Variants in TSC22D3 observed in about 807,000 individuals in gnomAD.
TSC22D3 encodes the protein TSC22 domain family protein 3.
A neutral mutation model predicts 11.1 loss-of-function variants in TSC22D3; 4 were observed. That is an observed-to-expected ratio of 0.36 (90% confidence interval 0.18 to 0.83). The LOEUF is 0.83. TSC22D3 is among the 40% of genes least tolerant of loss of function. The pLI, the probability that TSC22D3 is intolerant of heterozygous loss-of-function variation, is 0.48. For missense variants in TSC22D3, 118 were observed against 159.4 expected, an observed-to-expected ratio of 0.74 and a Z score of 1.40; for synonymous variants, 77 against 70.3, an observed-to-expected ratio of 1.10 and a Z score of -0.48.
chrX:107,748,635 T>A (rs941528039), intron 1 of TSC22D3, among the ~76,000 whole-genome samples: 1 of 111,477 alleles, frequency 9.0e-6, no homozygotes, highest in African/African-American at 3.3e-5. Context: ...AACCAGCCCA[T>A]CAGCTCACAC....
chrX:107,765,784 G>A (rs993992475), intron 1 of TSC22D3, among the ~76,000 whole-genome samples: 6 of 112,233 alleles, frequency 5.3e-5, no homozygotes, highest in Non-Finnish European at 1.1e-4. Context: ...CTGGAAGCCT[G>A]GGAGGAGTCC....
chrX:107,728,062 C>T lies in TSC22D3; in HGVS notation c.321-12112G>A, dbSNP rs757140181. Among the ~76,000 whole-genome samples, 3 of 111,264 alleles carry T rather than the reference C, an allele frequency of 2.7e-5. No individual in the cohort carries two copies. In the East Asian group the frequency reaches 8.4e-4, roughly 31 times the overall value. ...TGGCTTTCTAGACTAGAATATAAACCTTGTGAGGGCAGGGGCTTATCTTAT... is the reference window on the plus strand; with the variant it reads ...TGGCTTTCTAGACTAGAATATAAACTTTGTGAGGGCAGGGGCTTATCTTAT... On this transcript the variant is annotated intron_variant, in intron 1 of 2. Transcript: ENST00000372383.
At chrX:107,769,895 A>G (rs1929829608) in intron 1 of TSC22D3, among the ~76,000 whole-genome samples, 1 of 112,015 alleles carries the variant, frequency 8.9e-6, no homozygotes, top group Non-Finnish European at 1.9e-5. Flanking sequence ...TATCCAAACC[A>G]TGAATGTTAA....
chrX:107,744,938 A>G (rs781776354), intron 1 of TSC22D3, among the ~76,000 whole-genome samples: 2 of 111,907 alleles, frequency 1.8e-5, no homozygotes, highest in Non-Finnish European at 3.8e-5. Flanking sequence ...TTGTGTGGGC[A>G]AGAAGATGGT....
chrX:107,718,192 T>A (rs1356610855), intron 1 of TSC22D3, among the ~76,000 whole-genome samples: 3 of 111,983 alleles, frequency 2.7e-5, no homozygotes, highest in African/African-American at 9.8e-5. Flanking sequence ...GGAAAAAAAA[T>A]AAAGGCACCA....
At chrX:107,731,142 GAAA>G (rs1927861254) in intron 1 of TSC22D3, among the ~76,000 whole-genome samples, 1 of 112,421 alleles carries the variant, frequency 8.9e-6, no homozygotes. Context: ...GGATGGTAGG[GAAA>G]GAACAAGCTG....
Position 107,734,878 on chromosome X carries a change from T to TAAAAAAAAAAAAAAAAAAAA in TSC22D3, c.321-18948_321-18929dup, listed in dbSNP as rs781386272. ...TTTATCTATTGTTCACAACTCTACG[T>TAAAAAAAAAAAAAAAAAAAA]AAAAAAAAAAAAAAAAAAAAAAAAA... On this transcript the variant is annotated intron_variant, in intron 1 of 2. Coordinates refer to ENST00000372383, the MANE Select transcript of TSC22D3 (RefSeq NM_198057.3). 1.9e-4 allele frequency among the ~76,000 whole-genome samples: 7 copies of TAAAAAAAAAAAAAAAAAAAA among 37,282 alleles called. 1 individual carries two copies. The highest frequency in any genetic ancestry group is 9.8e-4 in the African/African-American group (7 of 7,130). 32.4% of individuals were successfully genotyped at this position (37,282 alleles called of 115,157 possible). A position where few individuals can be genotyped will look rare whatever the true frequency, so the allele number is the denominator to read the frequency against.
chrX:107,775,279 G>A lies in TSC22D3; in HGVS notation c.141C>T (p.Asn47=). 2 of 1,212,185 alleles carry A rather than the reference G, an allele frequency of 1.6e-6. No homozygotes were observed. Among genetic ancestry groups the A allele is most frequent in the South Asian group, 3.5e-5 (2 of 57,016 alleles). The change falls in exon 1 of 3, where the codon AAC becomes AAT. Residue 47 remains asparagine (N), a synonymous_variant. Coordinates refer to ENST00000372383, the MANE Select transcript of TSC22D3 (RefSeq NM_198057.3). ...CCAGCTTTTCCTGCAGCTGCCGAAA[G>A]TTGCTCACTGTAGGGCTGCCCGGGT... ...NNNPGSPTVS[N]FRQLQEKLVF... is the part of the protein sequence containing the mutation.
chrX:107,741,277 T>G (rs906323684), intron 1 of TSC22D3, among the ~76,000 whole-genome samples: 1 of 111,996 alleles, frequency 8.9e-6, no homozygotes, highest in East Asian at 2.8e-4. Context: ...CTGAAATGAG[T>G]GAGGACTGGG....
intron 1 of TSC22D3, among the ~76,000 whole-genome samples, chrX:107,726,175 C>T (rs942980217): frequency 2.7e-5 from 3 of 112,346 alleles, no homozygotes; most frequent in African/African-American, 9.7e-5. Flanking sequence ...GGCCATCTCC[C>T]CTGCTCGCTG....
intron 1 of TSC22D3, among the ~76,000 whole-genome samples, chrX:107,725,092 G>T (rs1396763180): frequency 8.9e-6 from 1 of 112,196 alleles, no homozygotes. Flanking sequence ...TGAGAATCAT[G>T]CCTTTGGATT....
intron 1 of TSC22D3, chrX:107,717,057 A>G (rs977961169): frequency 6.2e-6 from 6 of 967,434 alleles, no homozygotes; most frequent in Non-Finnish European, 7.8e-6. Flanking sequence ...AGTCCAACCC[A>G]GACTCGGAGA....
At position 107,749,178 on chromosome X, in the gene TSC22D3, T is replaced by TACACACAC. The variant is rs61681572; in HGVS notation, c.320+25914_320+25921dup. Among the ~76,000 whole-genome samples the TACACACAC allele has an allele frequency of 1.3e-3, 117 of 87,353 alleles. 1 individual carries two copies. Among genetic ancestry groups the TACACACAC allele is most frequent in the African/African-American group, 4.8e-3 (109 of 22,775 alleles). The allele number at this position is 87,353 out of a possible 115,157, so 75.9% of individuals were successfully genotyped here. A position where few individuals can be genotyped will look rare whatever the true frequency, so the allele number is the denominator to read the frequency against. On this transcript the variant is annotated intron_variant, in intron 1 of 2. Coordinates refer to ENST00000372383, the MANE Select transcript of TSC22D3 (RefSeq NM_198057.3). ...GGTGAAACCCTGTCTCTACTAAAAA[T>TACACACAC]ACACACACACACACACACACACACA... is the stretch of plus-strand genomic sequence containing the variant.
chrX:107,740,438 TG>T (rs1286707529), intron 1 of TSC22D3, among the ~76,000 whole-genome samples: 1 of 111,638 alleles, frequency 9.0e-6, no homozygotes, highest in Admixed American at 9.4e-5. Context: ...AAAAATTAGC[TG>T]GGCCTGGTGG....
chrX:107,749,398 T>A (rs912045700), intron 1 of TSC22D3, among the ~76,000 whole-genome samples: 21 of 108,908 alleles, frequency 1.9e-4, no homozygotes, highest in Non-Finnish European at 3.4e-4. Flanking sequence ...AAAAGAAAAG[T>A]AAAAGACAGG....
intron 1 of TSC22D3, among the ~76,000 whole-genome samples, chrX:107,750,012 A>AGCTTTAGCAATCGGTAC (rs1186496478): frequency 1.9e-4 from 21 of 111,818 alleles, no homozygotes; most frequent in Admixed American, 6.6e-4. Context: ...CAAGGGGGGC[A>AGCTTTAGCAATCGGTAC]TGGTGGCATG....
chrX:107,734,520 C>T (rs1340177739), intron 1 of TSC22D3, among the ~76,000 whole-genome samples: 3 of 111,718 alleles, frequency 2.7e-5, no homozygotes, highest in African/African-American at 9.8e-5. Flanking sequence ...GCCCCTGCCA[C>T]CTGTCTGTCT....
In TSC22D3 at chrX:107,775,261, T is replaced by G; in HGVS notation, c.159A>C (p.Glu53Asp). The change falls in exon 1 of 3, where the codon GAA (glutamate) becomes GAC (aspartate). Residue 53 changes from glutamate (E) to aspartate (D), a missense_variant. Coordinates refer to ENST00000372383, the MANE Select transcript of TSC22D3 (RefSeq NM_198057.3). Reference sequence around the variant, plus strand: ...TATTGAGGTTCTCAAAGACCAGCTTTTCCTGCAGCTGCCGAAAGTTGCTCA... The same window carrying G: ...TATTGAGGTTCTCAAAGACCAGCTTGTCCTGCAGCTGCCGAAAGTTGCTCA... The part of the protein sequence containing the change: ...PTVSNFRQLQ[E>D]KLVFENLNTD... 1 of 1,212,082 alleles carries G rather than the reference T, an allele frequency of 8.3e-7. No individual in the cohort carries two copies. The highest frequency in any genetic ancestry group is 3.0e-5 in the East Asian group (1 of 33,841).
At chrX:107,767,424 C>T (rs1929719456) in intron 1 of TSC22D3, among the ~76,000 whole-genome samples, 1 of 111,436 alleles carries the variant, frequency 9.0e-6, no homozygotes, top group African/African-American at 3.3e-5. Context: ...CCCATTCAGT[C>T]TTCTGTGCTG....
Sources: allele counts gnomAD v4.1 joint callset (sites outside exome capture counted in the v4.1 genomes callset), GRCh38; gene constraint gnomAD v4.1.1; transcripts MANE v1.5; gene names NCBI Gene and HGNC (gene_info 2026-07-23, HGNC 2026-07-21).